Variants in ANKRD30BL observed in about 807,000 individuals in gnomAD.
The protein encoded by ANKRD30BL is ankyrin repeat domain 30B like.
A neutral mutation model predicts 18.4 loss-of-function variants in ANKRD30BL; 20 were observed. The observed-to-expected ratio is 1.09, with a 90% CI of 0.77 to 1.58. The LOEUF (loss-of-function observed/expected upper bound fraction) is 1.58. ANKRD30BL is among the 40% of genes most tolerant of loss of function. The pLI is 0.00. For missense variants in ANKRD30BL, 224 were observed against 268.6 expected (o/e 0.83, Z 1.16); for synonymous variants, 72 against 100.9 (o/e 0.71, Z 1.72).
At chr2:132,149,552 C>A (rs764279566) in intron 5 of ANKRD30BL, among the ~76,000 whole-genome samples, 9 of 152,176 alleles carry the variant, frequency 5.9e-5, no homozygotes, top group Non-Finnish European at 1.0e-4. Context: ...GGTACTGATG[C>A]ACCCTCACTA....
rs1015538140 is a variant in ANKRD30BL, at chr2:132,176,634, CA to C, written n.442-19489del. On this transcript the variant is annotated intron_variant and non_coding_transcript_variant, in intron 1 of 4. Transcript: ENST00000470729. Reference sequence around the variant, plus strand: ...TTCAAAAAAAGAAAAAAGACAAAAACAAAAAAAAAGCCGTGTGTGGCTGGTG... The same window carrying C: ...TTCAAAAAAAGAAAAAAGACAAAAACAAAAAAAAGCCGTGTGTGGCTGGTG... 2.7e-5 allele frequency among the ~76,000 whole-genome samples: 4 copies of C among 149,996 alleles called. No individual in the cohort carries two copies. The South Asian group carries it at 8.4e-4, about 32-fold the overall frequency.
intron 1 of ANKRD30BL, among the ~76,000 whole-genome samples, chr2:132,254,697 A>C (rs1680772496): frequency 6.6e-6 from 1 of 152,232 alleles, no homozygotes; most frequent in Admixed American, 6.5e-5. Flanking sequence ...GCAGCCCTGG[A>C]CATTTAAGGG....
intron 1 of ANKRD30BL, among the ~76,000 whole-genome samples, chr2:132,244,626 C>T (rs371979543): frequency 1.3e-5 from 2 of 152,284 alleles, no homozygotes; most frequent in Non-Finnish European, 2.9e-5. Flanking sequence ...TCAGACACTT[C>T]GTTGTGATGT....
At chr2:132,204,481 T>C (rs1236762220) in intron 1 of ANKRD30BL, among the ~76,000 whole-genome samples, 3 of 142,486 alleles carry the variant, frequency 2.1e-5, no homozygotes, top group African/African-American at 7.9e-5. Context: ...GTATATATAG[T>C]ATGTATATAT....
At chr2:132,178,285 T>C (rs1370247753) in intron 1 of ANKRD30BL, among the ~76,000 whole-genome samples, 2 of 152,214 alleles carry the variant, frequency 1.3e-5, no homozygotes, top group African/African-American at 4.8e-5. Flanking sequence ...AATTATGACA[T>C]ATACAATAAA....
At chr2:132,239,014 C>T (rs1359480893) in intron 1 of ANKRD30BL, among the ~76,000 whole-genome samples, 1 of 152,102 alleles carries the variant, frequency 6.6e-6, no homozygotes, top group East Asian at 1.9e-4. Flanking sequence ...GACTTGCATT[C>T]AACTCACACT....
At chr2:132,224,518 A>G (rs539225788) in intron 1 of ANKRD30BL, among the ~76,000 whole-genome samples, 13 of 151,856 alleles carry the variant, frequency 8.6e-5, no homozygotes, top group African/African-American at 2.9e-4. Flanking sequence ...CTTCTTTGTG[A>G]TGTGTGCATT....
intron 1 of ANKRD30BL, among the ~76,000 whole-genome samples, chr2:132,212,590 G>A (rs1679385192): frequency 2.0e-5 from 3 of 152,000 alleles, no homozygotes; most frequent in South Asian, 2.1e-4. Flanking sequence ...TGTAGAATCT[G>A]CTAGTGGACA....
At chr2:132,166,910 T>A (rs1688197110), upstream of ANKRD30BL, among the ~76,000 whole-genome samples, 2 of 151,982 alleles carry the variant, frequency 1.3e-5, no homozygotes, top group Non-Finnish European at 1.5e-5. Flanking sequence ...TCTTTTTTCA[T>A]AATAATATGC....
chr2:132,165,662 C>T (rs531517252), upstream of ANKRD30BL, among the ~76,000 whole-genome samples: 684 of 151,610 alleles, frequency 4.5e-3, 3 homozygotes, highest in African/African-American at 0.016. Context: ...GTGGAGGTTG[C>T]AGTATCCTTC....
At chr2:132,181,526 C>A (rs1336115109) in intron 1 of ANKRD30BL, among the ~76,000 whole-genome samples, 1 of 151,968 alleles carries the variant, frequency 6.6e-6, no homozygotes, top group Non-Finnish European at 1.5e-5. Context: ...CATAGAGATT[C>A]CCCTTAACTT....
intron 1 of ANKRD30BL, among the ~76,000 whole-genome samples, chr2:132,221,945 C>T (rs531185807): frequency 3.2e-4 from 42 of 131,052 alleles, no homozygotes; most frequent in African/African-American, 7.2e-4. Context: ...CCTGGCCAGC[C>T]GCCCCGTCCG....
chr2:132,198,801 A>T (rs1309469150), intron 1 of ANKRD30BL, among the ~76,000 whole-genome samples: 2 of 151,894 alleles, frequency 1.3e-5, no homozygotes, highest in African/African-American at 4.8e-5. Flanking sequence ...CATTTTTAGT[A>T]GAGACGACGT....
chr2:132,212,647 T>G (rs1679386994), intron 1 of ANKRD30BL, among the ~76,000 whole-genome samples: 1 of 151,322 alleles, frequency 6.6e-6, no homozygotes. Context: ...TTCACTTAAG[T>G]ACTAGACAGA....
chr2:132,159,856 C>T (rs574545771), intron 1 of ANKRD30BL, among the ~76,000 whole-genome samples: 1 of 152,166 alleles, frequency 6.6e-6, no homozygotes, highest in South Asian at 2.1e-4. Context: ...ATGTTTTCTT[C>T]TGGTGCTTTT....
chr2:132,198,134 A>G (rs980765077), intron 1 of ANKRD30BL, among the ~76,000 whole-genome samples: 1 of 151,928 alleles, frequency 6.6e-6, no homozygotes, highest in African/African-American at 2.4e-5. Flanking sequence ...TCTTATTTAC[A>G]ATATGACATG....
chr2:132,222,720 C>T (rs1679724140), intron 1 of ANKRD30BL, among the ~76,000 whole-genome samples: 1 of 151,308 alleles, frequency 6.6e-6, no homozygotes, highest in African/African-American at 2.4e-5. Flanking sequence ...GGGTCCTCTG[C>T]CTAGGAAAAC....
At chr2:132,251,514 T>A (rs1319865254) in intron 1 of ANKRD30BL, among the ~76,000 whole-genome samples, 2 of 152,252 alleles carry the variant, frequency 1.3e-5, no homozygotes, top group African/African-American at 4.8e-5. Context: ...CTGTTCTCCA[T>A]CTTTACAATT....
At chr2:132,227,264 C>T (rs547325756) in intron 1 of ANKRD30BL, among the ~76,000 whole-genome samples, 1 of 151,446 alleles carries the variant, frequency 6.6e-6, no homozygotes, top group Non-Finnish European at 1.5e-5. Context: ...TGTGCATTCA[C>T]TTCACAGAGT....
Sources: allele counts gnomAD v4.1 joint callset (sites outside exome capture counted in the v4.1 genomes callset), GRCh38; gene constraint gnomAD v4.1.1; transcripts MANE v1.5; gene names NCBI Gene and HGNC (gene_info 2026-07-23, HGNC 2026-07-21).